The following PRCD variants were observed in gnomAD, a reference collection of about 807,000 sequenced individuals.
The protein encoded by PRCD is photoreceptor disc component, also known as photoreceptor disk component PRCD.
A neutral mutation model predicts 10.1 loss-of-function variants in PRCD; 12 were observed. That is an observed-to-expected ratio of 1.18 (90% CI 0.76 to 1.92). The LOEUF (loss-of-function observed/expected upper bound fraction) is 1.92. PRCD is among the 40% of genes most tolerant of loss of function. The pLI is 0.00. For synonymous variants in PRCD, 31 were observed against 26.2 expected (o/e 1.18, Z -0.56); for missense variants, 61 against 72.2 (o/e 0.84, Z 0.56).
intron 1 of PRCD, chr17:76,529,044 G>GCCCCCCCCC (rs34648121): frequency 2.6e-6 from 2 of 779,744 alleles, no homozygotes; most frequent in African/African-American, 4.7e-5. Flanking sequence ...CAGTCATTGC[G>GCCCCCCCCC]CCCCCCCCCC....
At chr17:76,551,519 C>T (rs2075109081) in intron 1 of PRCD, 1 of 152,184 alleles carries the variant, frequency 6.6e-6, no homozygotes, top group South Asian at 2.1e-4. Flanking sequence ...TTATATTTCT[C>T]CTCTTCCAGA....
chr17:76,541,475 G>A (rs571334995), intron 2 of PRCD, among the ~76,000 whole-genome samples: 1 of 152,280 alleles, frequency 6.6e-6, no homozygotes, highest in East Asian at 1.9e-4. Context: ...TGCCAGCAAT[G>A]TGTCCCTTAG....
chr17:76,550,620 A>G (rs1405589407), intron 1 of PRCD: 1 of 152,246 alleles, frequency 6.6e-6, no homozygotes, highest in Admixed American at 6.5e-5. Flanking sequence ...TTGTGGTTAC[A>G]TGGGTCTATA....
rs2074820219 is a variant in PRCD at position 76,530,257 on chromosome 17, T to TG, written n.45+2429dup. Among the ~76,000 whole-genome samples the TG allele has an allele frequency of 6.6e-6, 1 of 151,988 alleles. No individual in the cohort carries two copies. The highest frequency in any genetic ancestry group is 2.1e-4 in the South Asian group (1 of 4,822). On this transcript the variant is annotated intron_variant and non_coding_transcript_variant, in intron 1 of 4. Transcript: ENST00000397633. The surrounding 1 kb of genome is among the most constrained non-coding windows in gnomAD (Gnocchi z 6.1). The stretch of plus-strand genomic sequence containing the variant: ...TCAGCTCCCAGAGTCAGCCTCCCCT[T>TG]GGGGGCCCAGGGAGGCCGAGTGTTC...
upstream of PRCD, chr17:76,538,064 G>C (rs2074942373): frequency 6.5e-6 from 1 of 152,808 alleles, no homozygotes; most frequent in Non-Finnish European, 1.5e-5. Flanking sequence ...CTGGGTTCCG[G>C]GTCCCAGTGC....
chr17:76,540,055 G>C lies in PRCD; in HGVS notation c.-87G>C. ...AGGAACCGCAGGACAGACGGCAGTGGCTCCTGAGAGCTGGCTGGGGCCATT... is the reference window on the plus strand; with the variant it reads ...AGGAACCGCAGGACAGACGGCAGTGCCTCCTGAGAGCTGGCTGGGGCCATT... On this transcript the variant is annotated 5_prime_UTR_variant, in exon 1 of 5. Transcript: ENST00000592014. This position sits in a 1 kb window ranked among gnomAD's most constrained non-coding sequence, Gnocchi z 5.0. 1 of 1,378,534 alleles carries C rather than the reference G, an allele frequency of 7.3e-7. No individual in the cohort carries two copies. Among genetic ancestry groups the C allele is most frequent in the Non-Finnish European group, 1.0e-6 (1 of 989,696 alleles). The allele number at this position is 1,378,534 out of a possible 1,614,324, so 85.4% of individuals were successfully genotyped here. A position where few individuals can be genotyped will look rare whatever the true frequency, so the allele number is the denominator to read the frequency against.
upstream of PRCD, chr17:76,527,762 C>T (rs961795014): frequency 1.1e-5 from 5 of 453,928 alleles, no homozygotes; most frequent in African/African-American, 4.0e-5. Context: ...GGTTTCTGGA[C>T]TGAGGCCCCT....
rs2074821291 is a variant in PRCD at position 76,530,317 on chromosome 17, A to C, written n.45+2484A>C. On this transcript the variant is annotated intron_variant and non_coding_transcript_variant, in intron 1 of 4. Transcript: ENST00000397633. This position sits in a 1 kb window ranked among gnomAD's most constrained non-coding sequence, Gnocchi z 6.1. ...ACATCTGGGGGCTAGCCCTCCCCTC[A>C]CGCTCCGAGTCAGCAGGAGTCACAG... 6.6e-6 allele frequency among the ~76,000 whole-genome samples: 1 copy of C among 151,426 alleles called. No homozygotes were observed. Among genetic ancestry groups the C allele is most frequent in the African/African-American group, 2.4e-5 (1 of 41,142 alleles).
chr17:76,540,315 T>C lies in PRCD; in HGVS notation c.74+100T>C. On this transcript the variant is annotated intron_variant, in intron 1 of 4. Coordinates refer to ENST00000592014, the MANE Select transcript of PRCD (RefSeq NM_001077620.3). The surrounding 1 kb of genome is among the most constrained non-coding windows in gnomAD (Gnocchi z 5.0). Reference sequence around the variant, plus strand: ...AAGGTGGGCAGGGGCTGCGTGAACCTTCAGCGGGGCTGGGAGGGCATTTTG... The same window carrying C: ...AAGGTGGGCAGGGGCTGCGTGAACCCTCAGCGGGGCTGGGAGGGCATTTTG... 1 of 1,395,100 alleles carries C rather than the reference T, an allele frequency of 7.2e-7. No homozygotes were observed. Among genetic ancestry groups the C allele is most frequent in the Non-Finnish European group, 9.9e-7 (1 of 1,006,666 alleles). The allele number at this position is 1,395,100 out of a possible 1,614,324, so 86.4% of individuals were successfully genotyped here. A position where few individuals can be genotyped will look rare whatever the true frequency, so the allele number is the denominator to read the frequency against.
Position 76,544,614 on chromosome 17 carries a change from C to T in PRCD, c.*964C>T, listed in dbSNP as rs546801244. The T allele has an allele frequency of 6.1e-5, 28 of 456,636 alleles. No individual in the cohort carries two copies. Among genetic ancestry groups the T allele is most frequent in the Non-Finnish European group, 9.3e-5 (21 of 226,978 alleles). The allele number at this position is 456,636 out of a possible 1,614,324, so 28.3% of individuals were successfully genotyped here. Reference sequence around the variant, plus strand: ...CTGACCCAGGCCGTGAGCCCGTGATCGCCTGTCTCAGCTCCTGTCAGCCTG... The same window carrying T: ...CTGACCCAGGCCGTGAGCCCGTGATTGCCTGTCTCAGCTCCTGTCAGCCTG... On this transcript the variant is annotated 3_prime_UTR_variant, in exon 5 of 5. Transcript: ENST00000592014.
upstream of PRCD, chr17:76,538,338 G>C (rs1168511698): frequency 6.1e-6 from 2 of 328,798 alleles, no homozygotes; most frequent in Admixed American, 7.7e-5. Flanking sequence ...CACGGGGGTC[G>C]TCCCCCTGCC....
At chr17:76,547,134 T>C (rs1269674037), downstream of PRCD, 1 of 152,318 alleles carries the variant, frequency 6.6e-6, no homozygotes. Flanking sequence ...CAGACCAGAC[T>C]CTAGGCCCTG....
downstream of PRCD, among the ~76,000 whole-genome samples, chr17:76,547,727 T>TCA (rs574997747): frequency 3.3e-5 from 4 of 121,662 alleles, no homozygotes; most frequent in South Asian, 2.6e-4. Flanking sequence ...ACACATACAT[T>TCA]CACACACACA....
In PRCD at chr17:76,528,487, T is replaced by C. The variant is rs1003383757; in HGVS notation, n.45+654T>C. On this transcript the variant is annotated intron_variant and non_coding_transcript_variant, in intron 1 of 4. Transcript: ENST00000397633. The surrounding 1 kb of genome is among the most constrained non-coding windows in gnomAD (Gnocchi z 5.8). ...TGAGTCAGGGATTCCTCCAGCTTCCTTGGCACCCAGAAATGGAGCGTCAAG... is the reference window on the plus strand; with the variant it reads ...TGAGTCAGGGATTCCTCCAGCTTCCCTGGCACCCAGAAATGGAGCGTCAAG... The C allele has an allele frequency of 8.7e-7, 1 of 1,152,794 alleles. No individual in the cohort carries two copies. The highest frequency in any genetic ancestry group is 3.4e-5 in the South Asian group (1 of 29,670). 71.4% of individuals were successfully genotyped at this position (1,152,794 alleles called of 1,614,324 possible).
intron 1 of PRCD, among the ~76,000 whole-genome samples, chr17:76,534,458 T>G (rs2074892398): frequency 6.6e-6 from 1 of 152,162 alleles, no homozygotes; most frequent in Non-Finnish European, 1.5e-5. Flanking sequence ...GGATTACAGG[T>G]GTGAGCCACG....
chr17:76,532,662 G>C (rs1275093050), intron 1 of PRCD, among the ~76,000 whole-genome samples: 1 of 151,236 alleles, frequency 6.6e-6, no homozygotes, highest in African/African-American at 2.4e-5. Flanking sequence ...TTCCTGAGTA[G>C]CTGGGACTAC....
intron 1 of PRCD, chr17:76,551,474 C>T (rs2075108476): frequency 6.6e-6 from 1 of 152,196 alleles, no homozygotes; most frequent in Non-Finnish European, 1.5e-5. Flanking sequence ...ATCCACAACT[C>T]CAACGCCATC....
chr17:76,533,735 G>A lies in PRCD; in HGVS notation n.45+5902G>A, dbSNP rs1555623562. On this transcript the variant is annotated intron_variant and non_coding_transcript_variant, in intron 1 of 4. Transcript: ENST00000397633. This position sits in a 1 kb window ranked among gnomAD's most constrained non-coding sequence, Gnocchi z 4.5. Reference sequence around the variant, plus strand: ...GAGACCCTGAATCCAAAGAAATAATGATAATAATAATAATAAAAGGTCAGG... The same window carrying A: ...GAGACCCTGAATCCAAAGAAATAATAATAATAATAATAATAAAAGGTCAGG... 2.0e-5 allele frequency among the ~76,000 whole-genome samples: 3 copies of A among 151,324 alleles called. No individual in the cohort carries two copies. Among genetic ancestry groups the A allele is most frequent in the Non-Finnish European group, 4.4e-5 (3 of 67,878 alleles).
chr17:76,542,535 G>A lies in PRCD; in HGVS notation c.144-18G>A, dbSNP rs1420247742. The A allele has an allele frequency of 6.2e-7, 1 of 1,614,088 alleles. No homozygotes were observed. Among genetic ancestry groups the A allele is most frequent in the East Asian group, 2.2e-5 (1 of 44,900 alleles). On this transcript the variant is annotated intron_variant, in intron 2 of 4. Coordinates refer to ENST00000592014, the MANE Select transcript of PRCD (RefSeq NM_001077620.3). ...GTCGTGCCCTTCAATCCTGACCCCA[G>A]TGCTTTCCTCTGTTTAGGGAGAAAG...
Sources: allele counts gnomAD v4.1 joint callset (sites outside exome capture counted in the v4.1 genomes callset), GRCh38; gene constraint gnomAD v4.1.1; non-coding constraint Gnocchi (gnomAD v3.1); transcripts MANE v1.5; gene names NCBI Gene and HGNC (gene_info 2026-07-23, HGNC 2026-07-21).